The following STXBP5L variants were observed in gnomAD, a reference collection of about 807,000 sequenced individuals.
The protein encoded by STXBP5L is syntaxin-binding protein 5-like.
STXBP5L carries 65 observed loss-of-function variants against 144.5 expected under a neutral mutation model. The observed-to-expected ratio is 0.45, with a 90% CI of 0.37 to 0.55. STXBP5L has a LOEUF of 0.55. Among genes scored for constraint, STXBP5L ranks in the 20% least tolerant of loss-of-function variants. STXBP5L has a pLI of 0.00. For synonymous variants in STXBP5L, 505 were observed against 469.6 expected, an observed-to-expected ratio of 1.08 and a Z score of -0.97; for missense variants, 1,298 against 1,405.5, an observed-to-expected ratio of 0.92 and a Z score of 1.22.
intron 20 of STXBP5L, among the ~76,000 whole-genome samples, chr3:121,340,920 T>C (rs1352636437): frequency 6.6e-6 from 1 of 152,110 alleles, no homozygotes; most frequent in Admixed American, 6.6e-5. Flanking sequence ...ATGCAATCAG[T>C]GTTAAGTTGT....
intron 3 of STXBP5L, among the ~76,000 whole-genome samples, chr3:120,960,332 A>G (rs538832532): frequency 6.6e-5 from 10 of 152,318 alleles, no homozygotes; most frequent in African/African-American, 2.2e-4. Context: ...TAGTTCAACC[A>G]TTGTGGAAGT....
At chr3:121,282,225 T>C in intron 19 of STXBP5L, 5 of 1,595,024 alleles carry the variant, frequency 3.1e-6, no homozygotes, top group Non-Finnish European at 4.3e-6. Flanking sequence ...TTCTCTTTCT[T>C]CTGCCTGCTG....
chr3:121,077,210 A>G (rs1202547275), intron 5 of STXBP5L, among the ~76,000 whole-genome samples: 1 of 152,124 alleles, frequency 6.6e-6, no homozygotes, highest in Admixed American at 6.5e-5. Context: ...CCCTGTCAAA[A>G]CAGAAAATCT....
intron 23 of STXBP5L, among the ~76,000 whole-genome samples, chr3:121,409,168 T>C (rs954961203): frequency 2.6e-5 from 4 of 151,660 alleles, no homozygotes; most frequent in African/African-American, 9.7e-5. Flanking sequence ...ATAAAAAAGA[T>C]AGCATAAAAA....
In STXBP5L at chr3:121,023,979, C is replaced by T. The variant is rs1472181440; in HGVS notation, c.288-17721C>T. Among the ~76,000 whole-genome samples the T allele has an allele frequency of 3.9e-5, 6 of 152,112 alleles. No homozygotes were observed. In the South Asian group the frequency reaches 6.2e-4, roughly 16 times the overall value. ...TTCACCGTGTTAGCCAGGATGGTCT[C>T]GATCTCCTGACCTTGTGATACGCCC... is the stretch of plus-strand genomic sequence containing the variant. On this transcript the variant is annotated intron_variant, in intron 3 of 26. Transcript: ENST00000471454.
chr3:121,384,383 G>C (rs888066170), intron 22 of STXBP5L, among the ~76,000 whole-genome samples: 3 of 152,044 alleles, frequency 2.0e-5, no homozygotes, highest in Non-Finnish European at 2.9e-5. Flanking sequence ...TAATTCAGAG[G>C]CTGGGCGCAG....
In STXBP5L at chr3:121,207,499, G is replaced by A. The variant is rs567249615; in HGVS notation, c.956+1498G>A. Among the ~76,000 whole-genome samples, 55 of 152,242 alleles carry A rather than the reference G, an allele frequency of 3.6e-4. 1 individual carries two copies. The highest frequency in any genetic ancestry group is 6.0e-4 in the Non-Finnish European group (41 of 68,018). Reference sequence around the variant, plus strand: ...TGACAAATGGGATCTAATTAAACTAGAGAGCTTCTGTCTGGTGAAAGAAAC... The same window carrying A: ...TGACAAATGGGATCTAATTAAACTAAAGAGCTTCTGTCTGGTGAAAGAAAC... On this transcript the variant is annotated intron_variant, in intron 10 of 26. Transcript: ENST00000471454.
intron 3 of STXBP5L, 55 bp from the exon 4 acceptor site, chr3:121,041,645 T>C (rs777672815): frequency 4.5e-5 from 58 of 1,280,528 alleles, no homozygotes; most frequent in Non-Finnish European, 6.5e-5. Context: ...GTTTCTTTGC[T>C]CATTAATATT....
chr3:121,189,939 TAGAA>T (rs1272002693), intron 9 of STXBP5L, among the ~76,000 whole-genome samples: 1 of 152,200 alleles, frequency 6.6e-6, no homozygotes, highest in Admixed American at 6.5e-5. Context: ...CTCTCTTTCA[TAGAA>T]AGCACTTATA....
In STXBP5L at chr3:121,104,482, A is replaced by T. The variant is rs562349696; in HGVS notation, c.471-10443A>T. Among the ~76,000 whole-genome samples the T allele has an allele frequency of 2.0e-5, 3 of 152,298 alleles. No homozygotes were observed. In the South Asian group the frequency reaches 6.2e-4, roughly 32 times the overall value. ...AGAACAAATCTGGAGGCATCACATGACCCGACTTCAAACTATACTACAAAA... is the reference window on the plus strand; with the variant it reads ...AGAACAAATCTGGAGGCATCACATGTCCCGACTTCAAACTATACTACAAAA... On this transcript the variant is annotated intron_variant, in intron 5 of 26. Coordinates refer to ENST00000471454, the MANE Select transcript of STXBP5L (RefSeq NM_001308330.2).
At chr3:121,209,290 A>T (rs187065908) in intron 10 of STXBP5L, among the ~76,000 whole-genome samples, 1 of 152,178 alleles carries the variant, frequency 6.6e-6, no homozygotes. Flanking sequence ...CATAACCAGA[A>T]ATGGGATTGC....
rs554278168 is a variant in STXBP5L, at chr3:120,951,256, G to C, written c.190-3684G>C. Among the ~76,000 whole-genome samples the C allele has an allele frequency of 5.3e-5, 8 of 152,236 alleles. No homozygotes were observed. In the East Asian group the frequency reaches 9.7e-4, roughly 18 times the overall value. ...ACATAGGCACGGGCAAGGACTTCAT[G>C]TCTAAAACACCAAAAGCAATGGCAA... On this transcript the variant is annotated intron_variant, in intron 2 of 26. Coordinates refer to ENST00000471454, the MANE Select transcript of STXBP5L (RefSeq NM_001308330.2).
intron 5 of STXBP5L, among the ~76,000 whole-genome samples, chr3:121,075,333 C>T (rs892681400): frequency 4.6e-5 from 7 of 152,122 alleles, no homozygotes; most frequent in Admixed American, 2.6e-4. Context: ...CCTAGCTAGT[C>T]CTCTACCATG....
rs535887753 is a variant in STXBP5L, at chr3:120,994,406, A to G, written c.287+39369A>G. On this transcript the variant is annotated intron_variant, in intron 3 of 26. Coordinates refer to ENST00000471454, the MANE Select transcript of STXBP5L (RefSeq NM_001308330.2). ...GGCTGTCAGCATTTCCACATTCAGT[A>G]TGATGTTAGCTGTGGGTTTATCATA... Among the ~76,000 whole-genome samples the G allele has an allele frequency of 5.3e-5, 8 of 152,228 alleles. No individual in the cohort carries two copies. The East Asian group carries it at 1.4e-3, about 26-fold the overall frequency.
At chr3:121,134,610 G>A (rs1391801752) in intron 7 of STXBP5L, among the ~76,000 whole-genome samples, 1 of 151,584 alleles carries the variant, frequency 6.6e-6, no homozygotes, top group Non-Finnish European at 1.5e-5. Flanking sequence ...CTGTGTCCAA[G>A]TGTTCTCATT....
chr3:121,326,699 A>T (rs891205100), intron 20 of STXBP5L, among the ~76,000 whole-genome samples: 8 of 152,028 alleles, frequency 5.3e-5, no homozygotes, highest in African/African-American at 1.4e-4. Context: ...TACAGTTATA[A>T]CTTTAGCAGG....
intron 23 of STXBP5L, among the ~76,000 whole-genome samples, chr3:121,408,308 T>C (rs2047040601): frequency 1.3e-5 from 2 of 151,998 alleles, no homozygotes; most frequent in Admixed American, 1.3e-4. Context: ...GTATACTATA[T>C]AGAAGTCACT....
intron 4 of STXBP5L, 87 bp downstream of exon 4, chr3:121,041,868 C>T: frequency 2.3e-6 from 2 of 873,414 alleles, no homozygotes; most frequent in Non-Finnish European, 3.8e-6. Context: ...TACTGTGATT[C>T]TAAATGCTTA....
intron 10 of STXBP5L, among the ~76,000 whole-genome samples, chr3:121,207,921 G>A (rs563061543): frequency 6.6e-6 from 1 of 152,300 alleles, no homozygotes; most frequent in South Asian, 2.1e-4. Context: ...GGAAGACAGT[G>A]TGGCGATTCC....
Sources: allele counts gnomAD v4.1 joint callset (sites outside exome capture counted in the v4.1 genomes callset), GRCh38; gene constraint gnomAD v4.1.1; transcripts MANE v1.5; gene names NCBI Gene and HGNC (gene_info 2026-07-23, HGNC 2026-07-21).